Variants in TYRO3 observed in about 807,000 individuals in gnomAD.
TYRO3 encodes TYRO3 protein tyrosine kinase, also known as tyrosine-protein kinase receptor TYRO3.
TYRO3 carries 38 observed loss-of-function variants against 95.2 expected under a neutral mutation model. The ratio of observed to expected loss-of-function variants is 0.40; its 90% confidence interval spans 0.31 to 0.52. The LOEUF (loss-of-function observed/expected upper bound fraction) is 0.52, where lower values mean the gene tolerates loss of function less well. Ranked by LOEUF, TYRO3 falls within the 20% of genes least tolerant of loss-of-function variation. The pLI is 0.56. For synonymous variants in TYRO3, 367 were observed against 432.9 expected (o/e 0.85, Z 1.89); for missense variants, 812 against 1,116.4 (o/e 0.73, Z 3.89).
chr15:41,573,640 C>T, intron 17 of TYRO3, 39 bp from the exon 18 acceptor site: 1 of 1,455,188 alleles, frequency 6.9e-7, no homozygotes, highest in Non-Finnish European at 9.4e-7. Flanking sequence ...CTCAGGACAC[C>T]TAGTGACAGC....
intron 12 of TYRO3, 61 bp downstream of exon 12, chr15:41,570,760 G>T: frequency 6.6e-7 from 1 of 1,515,290 alleles, no homozygotes; most frequent in Non-Finnish European, 9.2e-7. Context: ...GTGTTTGGTT[G>T]CCCCTGTCAC....
intron 15 of TYRO3, 117 bp downstream of exon 15, chr15:41,572,681 G>A: frequency 7.7e-7 from 1 of 1,305,016 alleles, no homozygotes; most frequent in Non-Finnish European, 1.0e-6. Flanking sequence ...AGCTGGGTGG[G>A]AGTAGGAGGG....
chr15:41,572,612 A>C, intron 15 of TYRO3, 48 bp downstream of exon 15: 1 of 1,405,568 alleles, frequency 7.1e-7, no homozygotes. Flanking sequence ...GTGGGAACAC[A>C]GGGCCTGGAA....
chr15:41,565,842 G>A (rs554632427), intron 6 of TYRO3, among the ~76,000 whole-genome samples: 1 of 152,210 alleles, frequency 6.6e-6, no homozygotes, highest in East Asian at 1.9e-4. Context: ...ACCAGAAGGG[G>A]CCCTAAGCCT....
At position 41,578,400 on chromosome 15, in the gene TYRO3, A is replaced by G. The variant is rs1383634032; in HGVS notation, c.*124A>G. The G allele has an allele frequency of 7.7e-6, 10 of 1,297,416 alleles. No homozygotes were observed. In the South Asian group the frequency reaches 1.0e-4, roughly 13 times the overall value. 80.4% of individuals were successfully genotyped at this position (1,297,416 alleles called of 1,614,324 possible). A position where few individuals can be genotyped will look rare whatever the true frequency, so the allele number is the denominator to read the frequency against. On this transcript the variant is annotated 3_prime_UTR_variant, in exon 19 of 19. Coordinates refer to ENST00000263798, the MANE Select transcript of TYRO3 (RefSeq NM_006293.4). ...GGAGGCTCCTGTGGTAGTCCTCCCAAGCTGTGCTGGGAAGCCCGGACTGAC... is the reference window on the plus strand; with the variant it reads ...GGAGGCTCCTGTGGTAGTCCTCCCAGGCTGTGCTGGGAAGCCCGGACTGAC...
At chr15:41,574,151 T>C (rs950840879) in intron 18 of TYRO3, among the ~76,000 whole-genome samples, 12 of 152,184 alleles carry the variant, frequency 7.9e-5, no homozygotes, top group African/African-American at 2.9e-4. Flanking sequence ...GTCATTCCTT[T>C]TCTTTTTTTA....
intron 11 of TYRO3, 108 bp downstream of exon 11, chr15:41,570,448 C>A (rs530977724): frequency 1.5e-6 from 2 of 1,324,492 alleles, no homozygotes; most frequent in Non-Finnish European, 1.1e-6. Context: ...TCAGTGAGCC[C>A]CAGGCACACA....
rs141380296 is a variant in TYRO3 at position 41,567,057 on chromosome 15, A to AGAG, written c.784-302_784-300dup. On this transcript the variant is annotated intron_variant, in intron 6 of 18. Coordinates refer to ENST00000263798, the MANE Select transcript of TYRO3 (RefSeq NM_006293.4). The stretch of plus-strand genomic sequence containing the variant: ...GTTTCGTACCAAGTACAAAAGGACA[A>AGAG]GAGTTTTCTGGAGTGGTTGAGAAAG... Among the ~76,000 whole-genome samples, 319 of 152,274 alleles carry AGAG rather than the reference A, an allele frequency of 2.1e-3. 1 individual carries two copies. Among genetic ancestry groups the AGAG allele is most frequent in the African/African-American group, 6.9e-3 (288 of 41,558 alleles).
chr15:41,569,244 C>T (rs1386292822), intron 9 of TYRO3, among the ~76,000 whole-genome samples: 1 of 147,756 alleles, frequency 6.8e-6, no homozygotes, highest in African/African-American at 2.5e-5. Context: ...TTGAGGCCGG[C>T]AGTTTGAGAC....
At chr15:41,577,046 G>T (rs2055869424) in intron 18 of TYRO3, among the ~76,000 whole-genome samples, 1 of 152,076 alleles carries the variant, frequency 6.6e-6, no homozygotes, top group Non-Finnish European at 1.5e-5. Context: ...TCAAATCACA[G>T]CTCTGTCACT....
intron 6 of TYRO3, among the ~76,000 whole-genome samples, chr15:41,565,905 G>C (rs1215503740): frequency 6.6e-6 from 1 of 152,132 alleles, no homozygotes; most frequent in Non-Finnish European, 1.5e-5. Flanking sequence ...GGCAATGCAG[G>C]CTTGCTCATT....
intron 1 of TYRO3, among the ~76,000 whole-genome samples, chr15:41,560,426 T>TGCGC (rs1263626620): frequency 1.1e-4 from 15 of 134,368 alleles, no homozygotes; most frequent in Non-Finnish European, 1.5e-4. Flanking sequence ...TGTGTGTGTG[T>TGCGC]GTGCGCGCGC....
chr15:41,572,711 T>C, intron 15 of TYRO3, 147 bp downstream of exon 15: 1 of 1,088,344 alleles, frequency 9.2e-7, no homozygotes, highest in Non-Finnish European at 1.3e-6. Flanking sequence ...TGAATCCTTT[T>C]AATCTAGCAG....
At chr15:41,575,843 G>C (rs549244553) in intron 18 of TYRO3, among the ~76,000 whole-genome samples, 3 of 152,232 alleles carry the variant, frequency 2.0e-5, no homozygotes, top group South Asian at 2.1e-4. Context: ...GGCAGGGGAC[G>C]GTGGCTCACG....
At chr15:41,560,393 ATGTGTGTGTG>A (rs369495054) in intron 1 of TYRO3, among the ~76,000 whole-genome samples, 14 of 120,500 alleles carry the variant, frequency 1.2e-4, no homozygotes, top group East Asian at 9.3e-4. Flanking sequence ...AGGTGCGTGT[ATGTGTGTGTG>A]TGTGTGTGTG....
At position 41,561,600 on chromosome 15, in the gene TYRO3, G is replaced by A; in HGVS notation, c.370G>A (p.Glu124Lys). 2 of 1,593,452 alleles carry A rather than the reference G, an allele frequency of 1.3e-6. No homozygotes were observed. The highest frequency in any genetic ancestry group is 1.7e-6 in the Non-Finnish European group (2 of 1,171,806). ...CTGGTGCCAGGTGGAGGATGGGGGT[G>A]AAACCGAGATCTCCCAGCCAGTGTG... is the stretch of plus-strand genomic sequence containing the variant. ...RYWCQVEDGG[E>K]TEISQPVWLT... The change falls in exon 3 of 19, where the codon GAA (glutamate) becomes AAA (lysine). Residue 124 changes from glutamate to lysine, a missense_variant. By Grantham distance (56) the Glu-to-Lys change is moderately conservative (BLOSUM62 1). Transcript: ENST00000263798.
chr15:41,572,964 G>C, intron 15 of TYRO3, 38 bp from the exon 16 acceptor site: 1 of 951,482 alleles, frequency 1.1e-6, no homozygotes, highest in South Asian at 1.4e-5. Flanking sequence ...CAGCTGGGTG[G>C]GCAGGTTAAG....
At position 41,570,586 on chromosome 15, in the gene TYRO3, C is replaced by G; in HGVS notation, c.1484-18C>G. The G allele has an allele frequency of 1.0e-6, 1 of 983,942 alleles. No individual in the cohort carries two copies. The allele number at this position is 983,942 out of a possible 1,614,324, so 61.0% of individuals were successfully genotyped here. On this transcript the variant is annotated intron_variant, in intron 11 of 18. Transcript: ENST00000263798. Reference sequence around the variant, plus strand: ...AGGAATCAGAGATCCCTCTTTCCCACAAACCCTTTCCCCACAGTGGACAGC... The same window carrying G: ...AGGAATCAGAGATCCCTCTTTCCCAGAAACCCTTTCCCCACAGTGGACAGC...
intron 6 of TYRO3, among the ~76,000 whole-genome samples, chr15:41,566,874 C>T (rs1006407539): frequency 2.0e-5 from 3 of 152,100 alleles, no homozygotes; most frequent in Admixed American, 6.5e-5. Flanking sequence ...ACATATAGTA[C>T]GTGGATCTCT....
Sources: gnomAD v4.1 joint callset for allele counts (sites outside exome capture counted in the v4.1 genomes callset) on GRCh38, gnomAD v4.1.1 for gene constraint, MANE v1.5 for transcripts, NCBI Gene and HGNC (gene_info 2026-07-23, HGNC 2026-07-21) for gene names.